DCDC1: variants seen among roughly 807,000 people sequenced by gnomAD.
DCDC1 encodes the protein doublecortin domain containing 1.
In DCDC1, 200 loss-of-function variants were observed where a neutral mutation model predicts 178.3. The ratio of observed to expected loss-of-function variants is 1.12; its 90% CI spans 1.00 to 1.26. The LOEUF is 1.26. Ranked by LOEUF, DCDC1 falls within the 50% of genes most tolerant of loss-of-function variation. DCDC1 has a pLI of 0.00. For missense variants in DCDC1, 1,983 were observed against 1,749.2 expected, an observed-to-expected ratio of 1.13 and a Z score of -2.38; for synonymous variants, 690 against 604.8, an observed-to-expected ratio of 1.14 and a Z score of -2.07.
chr11:30,869,036 C>G (rs939623639), intron 38 of DCDC1, among the ~76,000 whole-genome samples: 2 of 152,226 alleles, frequency 1.3e-5, no homozygotes, highest in Non-Finnish European at 2.9e-5. Context: ...CAAATCATCA[C>G]GCTTGTGAAA....
chr11:31,356,162 C>CA (rs1279732879), intron 1 of DCDC1, among the ~76,000 whole-genome samples: 3 of 151,490 alleles, frequency 2.0e-5, no homozygotes, highest in Admixed American at 6.6e-5. Flanking sequence ...ACAACAACAA[C>CA]AAAAAAAGAA....
chr11:31,094,803 T>A (rs1244910601), intron 15 of DCDC1, among the ~76,000 whole-genome samples: 1 of 151,746 alleles, frequency 6.6e-6, no homozygotes, highest in East Asian at 1.9e-4. Flanking sequence ...TCTTTTTTTT[T>A]ATATATATAC....
intron 21 of DCDC1, among the ~76,000 whole-genome samples, chr11:30,934,073 C>A (rs1432733363): frequency 1.3e-5 from 2 of 152,178 alleles, no homozygotes; most frequent in African/African-American, 4.8e-5. Flanking sequence ...CTTACCATCC[C>A]TTTGAGTGCA....
chr11:31,280,930 G>A, intron 7 of DCDC1: 1 of 639,472 alleles, frequency 1.6e-6, no homozygotes, highest in South Asian at 1.4e-5. Context: ...TTTCCACGGT[G>A]TGGCACTGGG....
rs1304235941 is a variant in DCDC1 at position 31,212,071 on chromosome 11, A to G, written c.1221+29379T>C. On this transcript the variant is annotated intron_variant, in intron 9 of 38. Transcript: ENST00000684477. Reference sequence around the variant, plus strand: ...GCACTCCAGCCTGGGCGACAGAGCGAGACTCAGTCTCAAAAAAAAAAAAAA... The same window carrying G: ...GCACTCCAGCCTGGGCGACAGAGCGGGACTCAGTCTCAAAAAAAAAAAAAA... Among the ~76,000 whole-genome samples, 6 of 146,444 alleles carry G rather than the reference A, an allele frequency of 4.1e-5. No homozygotes were observed. In the East Asian group the frequency reaches 6.1e-4, roughly 15 times the overall value.
At chr11:31,119,686 A>T (rs1480004454) in intron 11 of DCDC1, among the ~76,000 whole-genome samples, 5 of 152,192 alleles carry the variant, frequency 3.3e-5, no homozygotes, top group South Asian at 2.1e-4. Context: ...AAACTTTTTT[A>T]AAAATGACCA....
At chr11:31,220,372 T>C (rs1276256216) in intron 9 of DCDC1, among the ~76,000 whole-genome samples, 3 of 152,164 alleles carry the variant, frequency 2.0e-5, no homozygotes, top group African/African-American at 4.8e-5. Flanking sequence ...TTAACAAAAA[T>C]TACTTTTTGA....
chr11:31,050,755 C>G (rs1287534396), intron 20 of DCDC1, among the ~76,000 whole-genome samples: 1 of 152,164 alleles, frequency 6.6e-6, no homozygotes, highest in African/African-American at 2.4e-5. Context: ...AGAGAGACAA[C>G]AATAACTGCA....
At chr11:30,892,450 G>A (rs538393395) in intron 36 of DCDC1, among the ~76,000 whole-genome samples, 8 of 152,030 alleles carry the variant, frequency 5.3e-5, no homozygotes, top group Admixed American at 1.3e-4. Flanking sequence ...TCCAGCCTGG[G>A]TGACAGAGTG....
At chr11:31,081,391 C>T (rs954550254) in intron 17 of DCDC1, among the ~76,000 whole-genome samples, 3 of 152,010 alleles carry the variant, frequency 2.0e-5, no homozygotes, top group African/African-American at 4.8e-5. Context: ...GGGTGGATCA[C>T]GAGGTCAGGA....
chr11:31,271,945 G>A (rs936443947), intron 7 of DCDC1, among the ~76,000 whole-genome samples: 9 of 152,076 alleles, frequency 5.9e-5, no homozygotes, highest in African/African-American at 2.2e-4. Flanking sequence ...GGCAGATCAC[G>A]AGGTCAGGAG....
chr11:31,329,253 A>T (rs1949826638), intron 2 of DCDC1, among the ~76,000 whole-genome samples: 1 of 152,078 alleles, frequency 6.6e-6, no homozygotes, highest in Non-Finnish European at 1.5e-5. Flanking sequence ...AGAGATGGAG[A>T]GAGACAGAAA....
intron 11 of DCDC1, among the ~76,000 whole-genome samples, chr11:31,112,798 A>C (rs1459462441): frequency 6.6e-6 from 1 of 152,162 alleles, no homozygotes; most frequent in Non-Finnish European, 1.5e-5. Context: ...AAGCTAAACT[A>C]AATTAGATTA....
At chr11:31,081,803 T>C (rs753528408) in intron 17 of DCDC1, among the ~76,000 whole-genome samples, 1 of 152,148 alleles carries the variant, frequency 6.6e-6, no homozygotes, top group Non-Finnish European at 1.5e-5. Context: ...GGTAGTCTAC[T>C]TAAATCTATA....
chr11:31,290,997 T>C (rs1377179968), intron 6 of DCDC1, 145 bp from the exon 7 acceptor site: 2 of 705,442 alleles, frequency 2.8e-6, no homozygotes, highest in African/African-American at 1.8e-5. Flanking sequence ...CTACCACCAG[T>C]TTCTTACTAA....
intron 20 of DCDC1, among the ~76,000 whole-genome samples, chr11:31,015,006 G>A (rs967660333): frequency 4.7e-5 from 7 of 148,492 alleles, no homozygotes; most frequent in Non-Finnish European, 8.9e-5. Flanking sequence ...GGATTGCAGT[G>A]GCGCAACTTG....
chr11:30,995,247 T>C (rs1951196576), intron 20 of DCDC1, among the ~76,000 whole-genome samples: 1 of 152,112 alleles, frequency 6.6e-6, no homozygotes, highest in African/African-American at 2.4e-5. Flanking sequence ...CAAACACTGA[T>C]TTAAAAATCA....
chr11:31,200,530 A>T (rs1971170118), intron 9 of DCDC1, among the ~76,000 whole-genome samples: 1 of 152,144 alleles, frequency 6.6e-6, no homozygotes, highest in Non-Finnish European at 1.5e-5. Flanking sequence ...TCAGAAAGTC[A>T]ACAAGTTAAA....
intron 20 of DCDC1, among the ~76,000 whole-genome samples, chr11:31,030,778 T>C (rs1379145075): frequency 6.6e-6 from 1 of 152,032 alleles, no homozygotes; most frequent in Non-Finnish European, 1.5e-5. Flanking sequence ...CAAGCTCACA[T>C]CATCTTATTG....
Sources: allele counts gnomAD v4.1 joint callset (sites outside exome capture counted in the v4.1 genomes callset), GRCh38; gene constraint gnomAD v4.1.1; transcripts MANE v1.5; gene names NCBI Gene and HGNC (gene_info 2026-07-23, HGNC 2026-07-21).